TG: variants seen among roughly 807,000 people sequenced by gnomAD.
The protein encoded by TG is thyroglobulin.
A neutral mutation model predicts 324.7 loss-of-function variants in TG; 270 were observed. The ratio of observed to expected loss-of-function variants is 0.83; its 90% CI spans 0.75 to 0.92. The LOEUF (loss-of-function observed/expected upper bound fraction) is 0.92. TG is among the 40% of genes least tolerant of loss of function. The pLI is 0.00. For missense variants in TG, 3,591 were observed against 3,456.4 expected (o/e 1.04, Z -0.98); for synonymous variants, 1,401 against 1,327.0 (o/e 1.06, Z -1.21).
chr8:132,954,639 C>T (rs1826586410), intron 27 of TG, among the ~76,000 whole-genome samples: 1 of 152,160 alleles, frequency 6.6e-6, no homozygotes, highest in South Asian at 2.1e-4. Flanking sequence ...GCCACTGTGC[C>T]AAGGGCAGCT....
rs532122151 is a variant in TG at position 133,116,199 on chromosome 8, A to G, written c.7755-410A>G. Among the ~76,000 whole-genome samples the G allele has an allele frequency of 9.2e-5, 14 of 152,302 alleles. No homozygotes were observed. The South Asian group carries it at 2.9e-3, about 32-fold the overall frequency. On this transcript the variant is annotated intron_variant, in intron 44 of 47. Coordinates refer to ENST00000220616, the MANE Select transcript of TG (RefSeq NM_003235.5). Reference sequence around the variant, plus strand: ...GCTCTGACGTCTTCTAAAATGCACAATGATTTTATGTTCCATTCCACAGTA... The same window carrying G: ...GCTCTGACGTCTTCTAAAATGCACAGTGATTTTATGTTCCATTCCACAGTA...
In TG at chr8:132,911,428, G is replaced by C. The variant is rs746921713; in HGVS notation, c.4054G>C (p.Val1352Leu). 1.2e-6 allele frequency: 2 copies of C among 1,614,222 alleles called. No individual in the cohort carries two copies. Among genetic ancestry groups the C allele is most frequent in the Non-Finnish European group, 1.7e-6 (2 of 1,180,036 alleles). ...CATTCCTGTCTGCAACAACTCCTCT[G>C]TGCAGGTGGGTTGTCTGACCAGGGA... ...VSIPVCNNSS[V>L]QVGCLTRERL... The change falls in exon 19 of 48, where the codon GTG becomes CTG. Residue 1352 changes from valine to leucine, a missense_variant. By Grantham distance (32) the Val-to-Leu change is conservative. Coordinates refer to ENST00000220616, the MANE Select transcript of TG (RefSeq NM_003235.5).
chr8:133,001,705 A>G (rs1833521229), intron 35 of TG: 1 of 982,016 alleles, frequency 1.0e-6, no homozygotes, highest in Non-Finnish European at 1.2e-6. Context: ...TCTTCCTTCC[A>G]GCAAGTGCCC....
chr8:132,907,036 A>T, intron 17 of TG, 136 bp downstream of exon 17: 1 of 906,256 alleles, frequency 1.1e-6, no homozygotes, highest in Non-Finnish European at 1.7e-6. Context: ...TGGCACCAAG[A>T]GATGGGAGAG....
At chr8:133,003,124 C>A in intron 35 of TG, 2 of 658,816 alleles carry the variant, frequency 3.0e-6, no homozygotes, top group South Asian at 6.2e-5. Flanking sequence ...GGCTTTTTGG[C>A]AATTTTTAAC....
At chr8:133,034,181 G>A (rs1484129472) in intron 41 of TG, among the ~76,000 whole-genome samples, 1 of 152,172 alleles carries the variant, frequency 6.6e-6, no homozygotes, top group African/African-American at 2.4e-5. Context: ...GGGAGTTGGA[G>A]TGACATAGAC....
rs552538132 is a variant in TG at position 132,870,224 on chromosome 8, A to T, written c.274+398A>T. On this transcript the variant is annotated intron_variant, in intron 3 of 47. Transcript: ENST00000220616. The stretch of plus-strand genomic sequence containing the variant: ...GATAATTATTATAGTGAGTAATCAA[A>T]GAAACACAGTCCCTATTTAAAGCAT... 1.1e-3 allele frequency among the ~76,000 whole-genome samples: 170 copies of T among 152,076 alleles called. 1 individual carries two copies. The highest frequency in any genetic ancestry group is 4.0e-3 in the African/African-American group (165 of 41,434).
At chr8:133,051,141 C>A (rs1327876817) in intron 41 of TG, among the ~76,000 whole-genome samples, 1 of 152,178 alleles carries the variant, frequency 6.6e-6, no homozygotes, top group Non-Finnish European at 1.5e-5. Context: ...CTTAAGCCTG[C>A]CTTGGCCCTC....
At chr8:133,030,637 C>T (rs959173513) in intron 41 of TG, among the ~76,000 whole-genome samples, 1 of 152,196 alleles carries the variant, frequency 6.6e-6, no homozygotes, top group Non-Finnish European at 1.5e-5. Context: ...TTATACATAA[C>T]CCAGTTCTTA....
chr8:133,046,050 G>A (rs1355053274), intron 41 of TG, among the ~76,000 whole-genome samples: 4 of 152,192 alleles, frequency 2.6e-5, no homozygotes, highest in Admixed American at 6.5e-5. Context: ...CTTAAGCCTC[G>A]TTAGAGCAAT....
intron 26 of TG, among the ~76,000 whole-genome samples, chr8:132,943,090 G>A (rs568114578): frequency 2.2e-4 from 33 of 152,220 alleles, no homozygotes; most frequent in Admixed American, 9.8e-4. Flanking sequence ...TGCCTCCTGG[G>A]TATAAGAGCC....
chr8:133,057,512 C>T (rs911995576), intron 41 of TG, among the ~76,000 whole-genome samples: 1 of 152,158 alleles, frequency 6.6e-6, no homozygotes, highest in Admixed American at 6.5e-5. Flanking sequence ...TTTCCACACC[C>T]TTCTTTGCTG....
At chr8:132,872,563 G>A (rs1467368909) in intron 4 of TG, among the ~76,000 whole-genome samples, 2 of 150,908 alleles carry the variant, frequency 1.3e-5, no homozygotes, top group African/African-American at 4.9e-5. Flanking sequence ...TAAACTTAGT[G>A]TAGCCTCAGT....
rs1479992305 is a variant in TG, at chr8:132,901,373, C to T, written c.3454C>T (p.Leu1152Phe). The T allele has an allele frequency of 1.2e-6, 2 of 1,614,086 alleles. No individual in the cohort carries two copies. The highest frequency in any genetic ancestry group is 2.2e-5 in the South Asian group (2 of 91,094). Residue 1152 changes from leucine (L) to phenylalanine (F), a missense_variant, in exon 16 of 48, where the codon CTC (leucine) becomes TTC (phenylalanine). Physicochemically the swap from Leu to Phe is conservative, Grantham distance 22. Transcript: ENST00000220616. Reference sequence around the variant, plus strand: ...GTCAGGCCCAAGCCTCTGCAATGTGCTCAAGAGTGGAGTCCTCTCCAGGAG... The same window carrying T: ...GTCAGGCCCAAGCCTCTGCAATGTGTTCAAGAGTGGAGTCCTCTCCAGGAG... ...SAQCPSLCNV[L>F]KSGVLSRRVS...
At chr8:133,074,100 C>T (rs1366653975) in intron 41 of TG, among the ~76,000 whole-genome samples, 1 of 152,078 alleles carries the variant, frequency 6.6e-6, no homozygotes, top group Non-Finnish European at 1.5e-5. Context: ...GTGGAGTGTG[C>T]CATATTTCTT....
intron 47 of TG, 81 bp downstream of exon 47, chr8:133,133,741 G>T (rs1205806339): frequency 9.3e-6 from 14 of 1,506,606 alleles, no homozygotes; most frequent in Middle Eastern, 1.9e-4. Flanking sequence ...GACCTGTGCT[G>T]CGCGCGCATT....
Position 133,113,537 on chromosome 8 carries a change from A to G in TG, c.7688A>G (p.Tyr2563Cys), listed in dbSNP as rs368587657. ...DARVEAAATW[Y>C]YSLEHSTDDY... is the part of the protein sequence containing the mutation. ...CGCGTCGAGGCTGCTGCTACATGGT[A>G]TTACTCTCTGGAGCACTCCACGGAT... The change falls in exon 44 of 48, where the codon TAT (tyrosine) becomes TGT (cysteine). Residue 2563 changes from tyrosine to cysteine, a missense_variant. By Grantham distance (194) the Tyr-to-Cys change is radical. Transcript: ENST00000220616. 5.7e-5 allele frequency: 92 copies of G among 1,613,960 alleles called. No individual in the cohort carries two copies. The highest frequency in any genetic ancestry group is 6.9e-5 in the Non-Finnish European group (82 of 1,180,026).
Position 132,882,335 on chromosome 8 carries a change from G to A in TG, c.746-134G>A, listed in dbSNP as rs898596118. On this transcript the variant is annotated intron_variant, in intron 6 of 47. Transcript: ENST00000220616. ...CACAGCAGCTCTGACTTTGGAAACTGTTAAAGTGTTGTTCAGACTTATTGC... is the reference window on the plus strand; with the variant it reads ...CACAGCAGCTCTGACTTTGGAAACTATTAAAGTGTTGTTCAGACTTATTGC... The A allele has an allele frequency of 2.8e-6, 3 of 1,086,852 alleles. No homozygotes were observed. In the African/African-American group the frequency reaches 4.6e-5, roughly 17 times the overall value. 67.3% of individuals were successfully genotyped at this position (1,086,852 alleles called of 1,614,324 possible).
chr8:132,915,410 T>A (rs1007420297), intron 20 of TG, among the ~76,000 whole-genome samples: 1 of 152,180 alleles, frequency 6.6e-6, no homozygotes, highest in African/African-American at 2.4e-5. Flanking sequence ...AATTATTAGT[T>A]CCTGTCAACA....
Sources: gnomAD v4.1 joint callset for allele counts (sites outside exome capture counted in the v4.1 genomes callset) on GRCh38, gnomAD v4.1.1 for gene constraint, MANE v1.5 for transcripts, NCBI Gene and HGNC (gene_info 2026-07-23, HGNC 2026-07-21) for gene names.